PTPRD: variants seen among roughly 807,000 people sequenced by gnomAD.
The protein encoded by PTPRD is receptor-type tyrosine-protein phosphatase delta.
A neutral mutation model predicts 214.5 loss-of-function variants in PTPRD; 34 were observed. The ratio of observed to expected loss-of-function variants is 0.16; its 90% CI spans 0.12 to 0.21. The LOEUF is 0.21. Ranked by LOEUF, PTPRD falls within the 10% of genes least tolerant of loss-of-function variation. The pLI, the probability that PTPRD is intolerant of heterozygous loss-of-function variation, is 1.00. For missense variants in PTPRD, 2,545 were observed against 2,398.7 expected (o/e 1.06, Z -1.27); for synonymous variants, 1,128 against 845.7 (o/e 1.33, Z -5.79).
At chr9:9,350,646 T>C (rs1379743374) in intron 9 of PTPRD, among the ~76,000 whole-genome samples, 1 of 152,064 alleles carries the variant, frequency 6.6e-6, no homozygotes, top group Admixed American at 6.6e-5. Flanking sequence ...CTACGGTTCA[T>C]TCTCCTCAGA....
At chr9:8,847,221 A>G (rs961913514) in intron 11 of PTPRD, among the ~76,000 whole-genome samples, 7 of 152,146 alleles carry the variant, frequency 4.6e-5, no homozygotes, top group Admixed American at 4.6e-4. Context: ...AGTCTGTTAA[A>G]TAGTAAAAGT....
chr9:8,434,915 A>T (rs1000429961), intron 35 of PTPRD, among the ~76,000 whole-genome samples: 12 of 152,244 alleles, frequency 7.9e-5, no homozygotes. Context: ...GAGGAAGAGC[A>T]GGAAAGAAAT....
intron 14 of PTPRD, among the ~76,000 whole-genome samples, chr9:8,580,474 C>T (rs1025744530): frequency 2.6e-5 from 4 of 152,112 alleles, no homozygotes; most frequent in Non-Finnish European, 4.4e-5. Flanking sequence ...TATATGCTGC[C>T]GTCTGCAGAC....
chr9:9,827,217 G>T (rs1157994798), intron 5 of PTPRD, among the ~76,000 whole-genome samples: 1 of 151,982 alleles, frequency 6.6e-6, no homozygotes, highest in Non-Finnish European at 1.5e-5. Flanking sequence ...TAAGCCAAAA[G>T]AACAAAGCTG....
intron 4 of PTPRD, among the ~76,000 whole-genome samples, chr9:9,991,832 CCACACACACACA>C (rs56267970): frequency 1.8e-4 from 27 of 147,528 alleles, no homozygotes; most frequent in Admixed American, 7.4e-4. Flanking sequence ...TTCAACAGCA[CCACACACACACA>C]CACACACACA....
chr9:8,473,711 G>A (rs565412010), intron 30 of PTPRD, among the ~76,000 whole-genome samples: 26 of 151,610 alleles, frequency 1.7e-4, no homozygotes, highest in Non-Finnish European at 3.1e-4. Context: ...TTCTTTCTTC[G>A]GCAGCACTCC....
chr9:10,219,326 T>G (rs190743729), intron 3 of PTPRD, among the ~76,000 whole-genome samples: 2 of 152,074 alleles, frequency 1.3e-5, no homozygotes, highest in Non-Finnish European at 2.9e-5. Flanking sequence ...TTATGAATTC[T>G]TATAAGTAAA....
In PTPRD at chr9:9,833,383, T is replaced by C. The variant is rs1599119594; in HGVS notation, c.-367-66532A>G. Among the ~76,000 whole-genome samples, 4 of 151,764 alleles carry C rather than the reference T, an allele frequency of 2.6e-5. No homozygotes were observed. The East Asian group carries it at 7.8e-4, about 29-fold the overall frequency. On this transcript the variant is annotated intron_variant, in intron 5 of 45. Transcript: ENST00000381196. ...TTCAAAAGGGGAGGGAGTATACGAATAGGTGTGGGTGACAGACATCAAGTA... is the reference window on the plus strand; with the variant it reads ...TTCAAAAGGGGAGGGAGTATACGAACAGGTGTGGGTGACAGACATCAAGTA...
intron 2 of PTPRD, among the ~76,000 whole-genome samples, chr9:10,573,094 C>A (rs978086029): frequency 2.6e-5 from 4 of 152,104 alleles, no homozygotes; most frequent in Non-Finnish European, 5.9e-5. Flanking sequence ...AGATACCTTA[C>A]TTGTGAGTAT....
chr9:9,047,846 A>C (rs2099675982), intron 10 of PTPRD, among the ~76,000 whole-genome samples: 1 of 152,140 alleles, frequency 6.6e-6, no homozygotes. Context: ...AGGAATACCC[A>C]CAAACCAAGC....
At chr9:9,073,630 T>A (rs1292786010) in intron 10 of PTPRD, among the ~76,000 whole-genome samples, 2 of 152,206 alleles carry the variant, frequency 1.3e-5, no homozygotes, top group African/African-American at 4.8e-5. Context: ...TACCTTAGTT[T>A]CGAGCCTTCA....
At chr9:8,549,669 G>C (rs1385117811) in intron 14 of PTPRD, among the ~76,000 whole-genome samples, 1 of 152,050 alleles carries the variant, frequency 6.6e-6, no homozygotes, top group African/African-American at 2.4e-5. Context: ...CTTTGAGAGG[G>C]GAGATGAAGT....
rs138322735 is a variant in PTPRD at position 10,468,623 on chromosome 9, T to C, written c.-599-127606A>G. 3.7e-3 allele frequency among the ~76,000 whole-genome samples: 561 copies of C among 152,214 alleles called. 5 individuals carry two copies. The highest frequency in any genetic ancestry group is 0.013 in the African/African-American group (533 of 41,544). On this transcript the variant is annotated intron_variant, in intron 2 of 45. Transcript: ENST00000381196. ...GTAACTAACCTGCACATTCTGCACA[T>C]GTATCCCAGAACTTAAAATATAATA...
chr9:8,651,366 A>G (rs971085487), intron 12 of PTPRD, among the ~76,000 whole-genome samples: 2 of 152,162 alleles, frequency 1.3e-5, no homozygotes, highest in African/African-American at 4.8e-5. Flanking sequence ...CAGTGATAAT[A>G]ATAGATGATA....
At chr9:8,707,788 C>A (rs2098240353) in intron 12 of PTPRD, among the ~76,000 whole-genome samples, 1 of 152,158 alleles carries the variant, frequency 6.6e-6, no homozygotes, top group Non-Finnish European at 1.5e-5. Flanking sequence ...TTTCAATAAC[C>A]TTTTCCTCAA....
intron 4 of PTPRD, among the ~76,000 whole-genome samples, chr9:10,031,681 C>CACACACACACACACACACAT (rs1555495089): frequency 1.5e-5 from 2 of 133,866 alleles, no homozygotes; most frequent in African/African-American, 3.1e-5. Flanking sequence ...CACACACACA[C>CACACACACACACACACACAT]ATATCCTATT....
At chr9:10,198,371 G>A (rs147388698) in intron 3 of PTPRD, among the ~76,000 whole-genome samples, 27 of 152,256 alleles carry the variant, frequency 1.8e-4, no homozygotes, top group African/African-American at 5.5e-4. Flanking sequence ...GAATGATAGT[G>A]CCTGAAAGGA....
chr9:10,429,438 G>A (rs189594440), intron 2 of PTPRD, among the ~76,000 whole-genome samples: 2 of 151,928 alleles, frequency 1.3e-5, no homozygotes. Context: ...CAACCTAAGG[G>A]TCTATCAACG....
intron 3 of PTPRD, among the ~76,000 whole-genome samples, chr9:10,230,444 C>G (rs10809040): frequency 0.096 from 11,735 of 121,622 alleles, 621 homozygotes; most frequent in Middle Eastern, 0.17. Context: ...ATGTATCTAT[C>G]TATCTATCTA....
Sources: gnomAD v4.1 joint callset for allele counts (sites outside exome capture counted in the v4.1 genomes callset) on GRCh38, gnomAD v4.1.1 for gene constraint, MANE v1.5 for transcripts, NCBI Gene and HGNC (gene_info 2026-07-23, HGNC 2026-07-21) for gene names.